AFAP1L2: variants seen among roughly 807,000 people sequenced by gnomAD.
The protein encoded by AFAP1L2 is actin filament-associated protein 1-like 2.
In AFAP1L2, 46 loss-of-function variants were observed where a neutral mutation model predicts 99.3. The ratio of observed to expected loss-of-function variants is 0.46; its 90% CI spans 0.37 to 0.59. AFAP1L2 has a LOEUF of 0.59. AFAP1L2 is among the 20% of genes least tolerant of loss of function. AFAP1L2 has a pLI of 0.00. For synonymous variants in AFAP1L2, 397 were observed against 419.1 expected, an observed-to-expected ratio of 0.95 and a Z score of 0.64; for missense variants, 959 against 1,034.9, an observed-to-expected ratio of 0.93 and a Z score of 1.01.
chr10:114,292,626 C>T (rs1024273829), downstream of AFAP1L2, among the ~76,000 whole-genome samples: 1 of 150,358 alleles, frequency 6.7e-6, no homozygotes, highest in Non-Finnish European at 1.5e-5. Flanking sequence ...GGAATTACTT[C>T]TTCTCCTTGG....
chr10:114,349,472 C>T lies in AFAP1L2; in HGVS notation c.17-8741G>A, dbSNP rs188388902. Among the ~76,000 whole-genome samples, 13 of 150,342 alleles carry T rather than the reference C, an allele frequency of 8.6e-5. No individual in the cohort carries two copies. The East Asian group carries it at 2.1e-3, about 25-fold the overall frequency. ...GGTGTGGTGGCATGCACCTGTAGTC[C>T]CAGCTACCCTGGAGGTGGGAGGATT... On this transcript the variant is annotated intron_variant, in intron 1 of 18. Transcript: ENST00000304129.
intron 1 of AFAP1L2, among the ~76,000 whole-genome samples, chr10:114,403,573 G>A (rs72826943): frequency 0.023 from 3,459 of 152,308 alleles, 62 homozygotes; most frequent in Non-Finnish European, 0.033. Context: ...TGGGGGAGGG[G>A]GGAGCGCCCG....
chr10:114,322,363 G>C (rs146040957), intron 5 of AFAP1L2, among the ~76,000 whole-genome samples: 2 of 152,072 alleles, frequency 1.3e-5, no homozygotes, highest in South Asian at 4.2e-4. Context: ...CCCCATCTGC[G>C]TCCCCACCTC....
chr10:114,289,170 C>T, the AFAP1L2 span: 4 of 1,613,578 alleles, frequency 2.5e-6, no homozygotes, highest in East Asian at 2.2e-5. Flanking sequence ...TTAGCCAGGC[C>T]CCCTACCTAG....
chr10:114,300,819 G>T (rs867313908), intron 13 of AFAP1L2, 129 bp from the exon 14 acceptor site: 6 of 1,300,710 alleles, frequency 4.6e-6, no homozygotes, highest in Admixed American at 5.1e-5. Context: ...CCTCCCTGCT[G>T]GGGGGGCCAC....
intron 1 of AFAP1L2, among the ~76,000 whole-genome samples, chr10:114,399,943 C>T (rs1158738246): frequency 6.6e-6 from 1 of 152,186 alleles, no homozygotes; most frequent in Non-Finnish European, 1.5e-5. Flanking sequence ...ACTGCGAACA[C>T]TGGAGGTTGT....
In AFAP1L2 at chr10:114,404,401, G is replaced by C. The variant is rs190804456; in HGVS notation, c.16+39C>G. 5,314 of 1,532,948 alleles carry C rather than the reference G, an allele frequency of 3.5e-3. 149 individuals are homozygous for C. In the East Asian group the frequency reaches 0.044, roughly 13 times the overall value. The allele number at this position is 1,532,948 out of a possible 1,614,324, so 95.0% of individuals were successfully genotyped here. On this transcript the variant is annotated intron_variant, in intron 1 of 18. Transcript: ENST00000304129. ...TGCCCTCCGCGTCGCTGGGCGAAAG[G>C]GAGTGGGTGTGCGCCGCGCGAGGAA...
At position 114,370,087 on chromosome 10, in the gene AFAP1L2, A is replaced by G. The variant is rs114863996; in HGVS notation, c.17-29356T>C. Among the ~76,000 whole-genome samples the G allele has an allele frequency of 4.9e-3, 743 of 152,290 alleles. 9 individuals carry two copies. Among genetic ancestry groups the G allele is most frequent in the African/African-American group, 0.017 (719 of 41,560 alleles). ...TCACTAATAGAAAATTAGAGATACT[A>G]GTGTCTCAAGTTTTCTCCAATTCCA... On this transcript the variant is annotated intron_variant, in intron 1 of 18. Transcript: ENST00000304129.
the AFAP1L2 span, chr10:114,284,917 T>C: frequency 1.2e-6 from 2 of 1,605,388 alleles, no homozygotes; most frequent in East Asian, 2.2e-5. Context: ...CCAGAAGGAC[T>C]GGACGGCTAC....
In AFAP1L2 at chr10:114,300,589, A is replaced by C. The variant is rs771000226; in HGVS notation, c.1644T>G (p.His548Gln). The change falls in exon 14 of 19, where the codon CAT (histidine) becomes CAG (glutamine). Residue 548 changes from histidine to glutamine, a missense_variant. Coordinates refer to ENST00000304129, the MANE Select transcript of AFAP1L2 (RefSeq NM_001001936.3). ...CCTGGGCCTGTGCACTGCTGGGGCCATGCAGAAAGGACTTGACAGGTGTGA... is the reference window on the plus strand; with the variant it reads ...CCTGGGCCTGTGCACTGCTGGGGCCCTGCAGAAAGGACTTGACAGGTGTGA... ...LDLTPVKSFL[H>Q]GPSSAQAQAS... 17 of 1,614,174 alleles carry C rather than the reference A, an allele frequency of 1.1e-5. No homozygotes were observed. The highest frequency in any genetic ancestry group is 1.4e-5 in the Non-Finnish European group (17 of 1,180,014).
At chr10:114,401,490 C>T (rs2058227659) in intron 1 of AFAP1L2, among the ~76,000 whole-genome samples, 1 of 152,228 alleles carries the variant, frequency 6.6e-6, no homozygotes, top group African/African-American at 2.4e-5. Context: ...TTTGGCCCCA[C>T]ATCCTGACAT....
chr10:114,325,904 C>G (rs532745019), intron 4 of AFAP1L2: 46 of 1,289,218 alleles, frequency 3.6e-5, no homozygotes, highest in Middle Eastern at 2.1e-4. Context: ...AAGGTCTCCC[C>G]AGTGGGTCCC....
At chr10:114,290,409 T>C (rs1442589245), downstream of AFAP1L2, 4 of 1,544,736 alleles carry the variant, frequency 2.6e-6, no homozygotes, top group Admixed American at 2.0e-5. Flanking sequence ...AGGGATGGTA[T>C]TGCGAGTCCT....
intron 1 of AFAP1L2, among the ~76,000 whole-genome samples, chr10:114,381,256 T>C (rs2055577264): frequency 2.0e-5 from 3 of 152,196 alleles, no homozygotes; most frequent in Admixed American, 2.0e-4. Flanking sequence ...GAAAACATTA[T>C]GCCAAGTCAA....
rs138065376 is a variant in AFAP1L2, at chr10:114,300,257, C to T, written c.1894G>A (p.Val632Met). Residue 632 changes from valine (V) to methionine (M), a missense_variant, in exon 15 of 19, where the codon GTG becomes ATG. By Grantham distance (21) the Val-to-Met change is conservative. Coordinates refer to ENST00000304129, the MANE Select transcript of AFAP1L2 (RefSeq NM_001001936.3). ...ISFPPSCPDA[V>M]VATPPGASPP... Reference sequence around the variant, plus strand: ...CTGGCACCAGGTGGGGTGGCCACCACGGCATCCGGGCAGCTCGGTGGGAAG... The same window carrying T: ...CTGGCACCAGGTGGGGTGGCCACCATGGCATCCGGGCAGCTCGGTGGGAAG... 65 of 1,614,056 alleles carry T rather than the reference C, an allele frequency of 4.0e-5. No homozygotes were observed. Among genetic ancestry groups the T allele is most frequent in the Non-Finnish European group, 5.0e-5 (59 of 1,180,042 alleles).
Position 114,306,127 on chromosome 10 carries a change from A to G in AFAP1L2, c.1073-1197T>C, listed in dbSNP as rs1326106738. ...GGAAGGGATGCAGATGCCTGGAGGG[A>G]TGCAGGTGCAGGAGGGGACGGGGCT... On this transcript the variant is annotated intron_variant, in intron 10 of 18. Coordinates refer to ENST00000304129, the MANE Select transcript of AFAP1L2 (RefSeq NM_001001936.3). Among the ~76,000 whole-genome samples the G allele has an allele frequency of 4.2e-4, 24 of 57,322 alleles. 1 individual carries two copies. The highest frequency in any genetic ancestry group is 1.5e-3 in the African/African-American group (21 of 14,116). The allele number at this position is 57,322 out of a possible 152,430, so 37.6% of individuals were successfully genotyped here.
intron 1 of AFAP1L2, among the ~76,000 whole-genome samples, chr10:114,379,455 T>TA (rs1380544044): frequency 6.6e-6 from 1 of 151,994 alleles, no homozygotes; most frequent in Non-Finnish European, 1.5e-5. Context: ...TTTCCCATGA[T>TA]AAAAAATAAT....
chr10:114,403,804 C>T (rs557244031), intron 1 of AFAP1L2, among the ~76,000 whole-genome samples: 1 of 152,326 alleles, frequency 6.6e-6, no homozygotes, highest in African/African-American at 2.4e-5. Flanking sequence ...CCGGACGCCT[C>T]CAGGAGCTCC....
At position 114,310,339 on chromosome 10, in the gene AFAP1L2, A is replaced by G. The variant is rs1008984642; in HGVS notation, c.882+15T>C. 1.2e-6 allele frequency: 2 copies of G among 1,600,634 alleles called. No individual in the cohort carries two copies. The highest frequency in any genetic ancestry group is 1.7e-6 in the Non-Finnish European group (2 of 1,175,890). ...ATGGAAGGGGACTCTCCCTCCAGGC[A>G]GGGCAGAGGCTTACTTTCTGGCAGT... On this transcript the variant is annotated intron_variant, in intron 8 of 18. Coordinates refer to ENST00000304129, the MANE Select transcript of AFAP1L2 (RefSeq NM_001001936.3).
Sources: allele counts gnomAD v4.1 joint callset (sites outside exome capture counted in the v4.1 genomes callset), GRCh38; gene constraint gnomAD v4.1.1; transcripts MANE v1.5; gene names NCBI Gene and HGNC (gene_info 2026-07-23, HGNC 2026-07-21).